The following CELF2 variants were observed in gnomAD, a reference collection of about 807,000 sequenced individuals.
CELF2 encodes CUG triplet repeat RNA-binding protein 2.
A neutral mutation model predicts 62.6 loss-of-function variants in CELF2; 8 were observed. That is an observed-to-expected ratio of 0.13 (90% confidence interval 0.07 to 0.23). CELF2 has a LOEUF of 0.23. Among genes scored for constraint, CELF2 ranks in the 10% least tolerant of loss-of-function variants. The pLI, the probability that CELF2 is intolerant of heterozygous loss-of-function variation, is 1.00. For missense variants in CELF2, 333 were observed against 671.0 expected (o/e 0.50, Z 5.56); for synonymous variants, 258 against 250.0 (o/e 1.03, Z -0.30).
At chr10:10,515,805 A>G in the CELF2 span, among the ~76,000 whole-genome samples, 1,421 of 152,304 alleles carry the variant, frequency 9.3e-3, 17 homozygotes, top group African/African-American at 0.033. Flanking sequence ...TGAAAAGTAG[A>G]GATGCCATAT....
At chr10:10,671,496 C>T in the CELF2 span, among the ~76,000 whole-genome samples, 2 of 152,232 alleles carry the variant, frequency 1.3e-5, no homozygotes, top group East Asian at 1.9e-4. Context: ...TATAGTTTTG[C>T]GGGAAACTGC....
In CELF2 at chr10:11,117,891, C is replaced by T. The variant is rs2056900128; in HGVS notation, c.75-47595C>T. ...TCACTCCTCACAGCCTTTTTCTGCG[C>T]TATCCTTTTATACATTTTTTATAAG... On this transcript the variant is annotated intron_variant, in intron 1 of 12. Transcript: ENST00000633077. The surrounding 1 kb of genome is among the most constrained non-coding windows in gnomAD (Gnocchi z 4.1). Among the ~76,000 whole-genome samples the T allele has an allele frequency of 6.6e-6, 1 of 152,128 alleles. No homozygotes were observed. Among genetic ancestry groups the T allele is most frequent in the African/African-American group, 2.4e-5 (1 of 41,424 alleles).
Position 10,938,846 on chromosome 10 carries a change from A to T in CELF2, c.89+18847A>T, listed in dbSNP as rs2046703755. 6.6e-6 allele frequency among the ~76,000 whole-genome samples: 1 copy of T among 152,202 alleles called. No individual in the cohort carries two copies. Among genetic ancestry groups the T allele is most frequent in the Non-Finnish European group, 1.5e-5 (1 of 68,040 alleles). On this transcript the variant is annotated intron_variant, in intron 2 of 13. Coordinates refer to the CELF2 transcript ENST00000636488. The surrounding 1 kb of genome is among the most constrained non-coding windows in gnomAD (Gnocchi z 4.2). The stretch of plus-strand genomic sequence containing the variant: ...CTGCCCCACCGAGGGACGCAGAAGC[A>T]GCTGTCTTTTTCCATCTGCCCTGCC...
intron 1 of CELF2, among the ~76,000 whole-genome samples, chr10:10,885,236 C>G (rs1192228284): frequency 1.3e-5 from 2 of 150,792 alleles, no homozygotes; most frequent in Non-Finnish European, 2.9e-5. Flanking sequence ...GGGTGAGACA[C>G]TGTCTCAAAA....
intron 2 of CELF2, among the ~76,000 whole-genome samples, chr10:10,991,924 C>T (rs964752659): frequency 1.3e-5 from 2 of 152,208 alleles, no homozygotes; most frequent in Non-Finnish European, 1.5e-5. Context: ...ATGCCTTTCT[C>T]TACTATAGTT....
chr10:10,874,475 G>A (rs2060962882), intron 1 of CELF2, among the ~76,000 whole-genome samples: 1 of 151,824 alleles, frequency 6.6e-6, no homozygotes. Context: ...TACTATACAG[G>A]GATGTCCATA....
chr10:11,242,446 G>GGCAGAGGGCT lies in CELF2; in HGVS notation c.355-6706_355-6697dup, dbSNP rs1302506420. Among the ~76,000 whole-genome samples the GGCAGAGGGCT allele has an allele frequency of 1.2e-4, 18 of 152,132 alleles. No individual in the cohort carries two copies. The highest frequency in any genetic ancestry group is 1.0e-3 in the Admixed American group (16 of 15,282). On this transcript the variant is annotated intron_variant, in intron 3 of 12. Coordinates refer to ENST00000633077, the MANE Select transcript of CELF2 (RefSeq NM_001326342.2). The surrounding 1 kb of genome is among the most constrained non-coding windows in gnomAD (Gnocchi z 4.8). ...CCTTCCTACAGCAGAGACCCACCGAGGCAGAGGGCTTCAGAGAGCCCCACG... is the reference window on the plus strand; with the variant it reads ...CCTTCCTACAGCAGAGACCCACCGAGGCAGAGGGCTGCAGAGGGCTTCAGAGAGCCCCACG...
chr10:11,074,505 G>A (rs570666965), intron 1 of CELF2, among the ~76,000 whole-genome samples: 3 of 152,284 alleles, frequency 2.0e-5, no homozygotes, highest in Admixed American at 2.0e-4. Context: ...GAGTTAAAGG[G>A]AAAGATTTCT....
chr10:10,750,041 T>C, the CELF2 span, among the ~76,000 whole-genome samples: 41 of 152,308 alleles, frequency 2.7e-4, no homozygotes, highest in Middle Eastern at 3.4e-3. Flanking sequence ...CTCAGCACTT[T>C]GGGAGGCCAA....
At chr10:11,125,142 GA>G (rs1291402803) in intron 1 of CELF2, among the ~76,000 whole-genome samples, 2 of 152,194 alleles carry the variant, frequency 1.3e-5, no homozygotes, top group Non-Finnish European at 2.9e-5. Context: ...TCAGTGGTTA[GA>G]AATGGCCAAG....
intron 1 of CELF2, chr10:11,092,278 A>T (rs1188237098): frequency 6.6e-6 from 1 of 152,208 alleles, no homozygotes; most frequent in African/African-American, 2.4e-5. Context: ...TAAGAAATGT[A>T]ATACAACTTT....
At position 10,977,234 on chromosome 10, in the gene CELF2, C is replaced by A. The variant is rs76675899; in HGVS notation, c.89+57235C>A. Among the ~76,000 whole-genome samples the A allele has an allele frequency of 1.7e-3, 252 of 152,304 alleles. 7 individuals carry two copies. In the East Asian group the frequency reaches 0.044, roughly 27 times the overall value. ...AAGTGAGGGGAACATCAGCTCCCTG[C>A]AAGTCATTTTGTTATTCCAAGGGAA... is the stretch of plus-strand genomic sequence containing the variant. On this transcript the variant is annotated intron_variant, in intron 2 of 13. Transcript: ENST00000636488.
At chr10:10,546,652 A>G in the CELF2 span, among the ~76,000 whole-genome samples, 1 of 152,180 alleles carries the variant, frequency 6.6e-6, no homozygotes, top group South Asian at 2.1e-4. Context: ...TCAAGAGCAC[A>G]ATACTTTAGA....
rs772095170 is a variant in CELF2, at chr10:11,302,882, C to T, written c.977-11257C>T. The stretch of plus-strand genomic sequence containing the variant: ...TGGAAGCATTAGAATCCTGCCTTCC[C>T]GGAGTCCTCTCTTTCTCTGCCAGGA... On this transcript the variant is annotated intron_variant, in intron 9 of 12. Transcript: ENST00000633077. This position sits in a 1 kb window ranked among gnomAD's most constrained non-coding sequence, Gnocchi z 5.0. Among the ~76,000 whole-genome samples the T allele has an allele frequency of 8.5e-5, 13 of 152,130 alleles. No homozygotes were observed. Among genetic ancestry groups the T allele is most frequent in the Non-Finnish European group, 1.3e-4 (9 of 68,012 alleles).
chr10:10,972,620 T>C lies in CELF2; in HGVS notation c.89+52621T>C, dbSNP rs931229461. Among the ~76,000 whole-genome samples, 2 of 152,192 alleles carry C rather than the reference T, an allele frequency of 1.3e-5. No homozygotes were observed. Among genetic ancestry groups the C allele is most frequent in the East Asian group, 3.8e-4 (2 of 5,208 alleles). On this transcript the variant is annotated intron_variant, in intron 2 of 13. Coordinates refer to the CELF2 transcript ENST00000636488. The surrounding 1 kb of genome is among the most constrained non-coding windows in gnomAD (Gnocchi z 4.4). The stretch of plus-strand genomic sequence containing the variant: ...TCTTCTACATATTGATGATTCTCAG[T>C]CCCGGTCTCCATGACTGACCTTGCT...
At chr10:11,252,396 G>A (rs1352485687) in intron 4 of CELF2, among the ~76,000 whole-genome samples, 1 of 152,228 alleles carries the variant, frequency 6.6e-6, no homozygotes, top group Non-Finnish European at 1.5e-5. Context: ...ATCACAGTTA[G>A]ACAGTTACTG....
At chr10:10,963,451 C>T (rs1342867974) in intron 2 of CELF2, among the ~76,000 whole-genome samples, 3 of 152,282 alleles carry the variant, frequency 2.0e-5, no homozygotes, top group Middle Eastern at 3.4e-3. Context: ...GGGCCTTTAA[C>T]GTCTCTCACC....
At chr10:10,637,858 G>A in the CELF2 span, among the ~76,000 whole-genome samples, 3 of 152,090 alleles carry the variant, frequency 2.0e-5, no homozygotes, top group Non-Finnish European at 4.4e-5. Context: ...CTGAATAGGG[G>A]TTAAGTAGAA....
chr10:10,534,012 G>A, the CELF2 span, among the ~76,000 whole-genome samples: 2 of 151,884 alleles, frequency 1.3e-5, no homozygotes, highest in Admixed American at 6.6e-5. Context: ...AGGAAAACCT[G>A]GAAATAGGAA....
Sources: gnomAD v4.1 joint callset for allele counts (sites outside exome capture counted in the v4.1 genomes callset) on GRCh38, gnomAD v4.1.1 for gene constraint, Gnocchi (gnomAD v3.1) non-coding constraint, MANE v1.5 for transcripts, NCBI Gene and HGNC (gene_info 2026-07-23, HGNC 2026-07-21) for gene names.